The following GAP43 variants were observed in gnomAD, a reference collection of about 807,000 sequenced individuals.
The protein encoded by GAP43 is neuromodulin.
In GAP43, 6 loss-of-function variants were observed where a neutral mutation model predicts 18.6. That is an observed-to-expected ratio of 0.32 (90% confidence interval 0.18 to 0.64). The LOEUF is 0.64. Among genes scored for constraint, GAP43 ranks in the 30% least tolerant of loss-of-function variants. The pLI is 0.78. For synonymous variants in GAP43, 115 were observed against 111.4 expected (o/e 1.03, Z -0.20); for missense variants, 292 against 295.5 (o/e 0.99, Z 0.09).
chr3:115,698,603 G>A (rs2107366163), intron 2 of GAP43, among the ~76,000 whole-genome samples: 1 of 151,754 alleles, frequency 6.6e-6, no homozygotes, highest in South Asian at 2.1e-4. Context: ...GGAAAGTGGA[G>A]TGGAAAAGTG....
chr3:115,719,005 A>G (rs967965655), intron 2 of GAP43, among the ~76,000 whole-genome samples: 1 of 152,174 alleles, frequency 6.6e-6, no homozygotes, highest in Non-Finnish European at 1.5e-5. Flanking sequence ...TAATCTCAAC[A>G]TCTATGTACA....
At chr3:115,634,700 G>T (rs1397689598) in intron 1 of GAP43, among the ~76,000 whole-genome samples, 1 of 152,052 alleles carries the variant, frequency 6.6e-6, no homozygotes, top group East Asian at 1.9e-4. Context: ...AGCCTAGGAG[G>T]TATAGGCTGC....
intron 1 of GAP43, among the ~76,000 whole-genome samples, chr3:115,639,308 G>A (rs714697): frequency 0.48 from 73,057 of 151,992 alleles, 17,731 homozygotes; most frequent in South Asian, 0.66. Flanking sequence ...ATACTTTAGT[G>A]TAGTCAGAAA....
At chr3:115,640,306 G>T (rs1364784380) in intron 1 of GAP43, among the ~76,000 whole-genome samples, 1 of 151,958 alleles carries the variant, frequency 6.6e-6, no homozygotes, top group Non-Finnish European at 1.5e-5. Context: ...AGTAGTTTGG[G>T]TTGCCAAGAA....
At chr3:115,688,307 G>C (rs283376) in intron 2 of GAP43, among the ~76,000 whole-genome samples, 151,016 of 152,262 alleles carry the variant, frequency 0.99, 74,904 homozygotes, top group East Asian at 1. Flanking sequence ...GCATAAGCCA[G>C]TGCCCCTGGC....
intron 1 of GAP43, among the ~76,000 whole-genome samples, chr3:115,645,807 T>C (rs1708451925): frequency 6.6e-6 from 1 of 152,054 alleles, no homozygotes; most frequent in South Asian, 2.1e-4. Flanking sequence ...AAAATATTTC[T>C]TAAGGCTCTT....
At chr3:115,684,813 C>A (rs531902093) in intron 2 of GAP43, among the ~76,000 whole-genome samples, 13 of 152,202 alleles carry the variant, frequency 8.5e-5, no homozygotes, top group Admixed American at 7.2e-4. Flanking sequence ...GGAACATTAT[C>A]CAGGAAGAGT....
At chr3:115,708,187 A>C (rs1709388863) in intron 2 of GAP43, among the ~76,000 whole-genome samples, 1 of 152,380 alleles carries the variant, frequency 6.6e-6, no homozygotes, top group South Asian at 2.1e-4. Context: ...GTCCACAGTC[A>C]ACTGAAGAAG....
At chr3:115,682,900 C>T (rs1404544451) in intron 2 of GAP43, among the ~76,000 whole-genome samples, 2 of 152,146 alleles carry the variant, frequency 1.3e-5, no homozygotes, top group Non-Finnish European at 2.9e-5. Flanking sequence ...TGTGGAGTCA[C>T]ATGACTCATA....
chr3:115,664,087 G>A (rs1708701179), intron 1 of GAP43, among the ~76,000 whole-genome samples: 1 of 151,998 alleles, frequency 6.6e-6, no homozygotes, highest in Non-Finnish European at 1.5e-5. Context: ...TTTGTTCTTA[G>A]AATTGAATTA....
intron 1 of GAP43, among the ~76,000 whole-genome samples, chr3:115,666,280 C>T (rs1489978668): frequency 6.6e-6 from 1 of 152,094 alleles, no homozygotes; most frequent in Non-Finnish European, 1.5e-5. Context: ...TACTATGGCA[C>T]ATTTTACATG....
Position 115,623,545 on chromosome 3 carries a change from A to G in GAP43, c.-145A>G. ...CTAACTGCCCTGGTGTGTGTGAGGG[A>G]GAGAGAGGGAGGGAGGGAGAGAGAG... On this transcript the variant is annotated 5_prime_UTR_variant, in exon 1 of 3. Coordinates refer to ENST00000305124, the MANE Select transcript of GAP43 (RefSeq NM_002045.4). 1.1e-6 allele frequency: 1 copy of G among 935,940 alleles called. No homozygotes were observed. The highest frequency in any genetic ancestry group is 1.7e-6 in the Non-Finnish European group (1 of 597,218). The allele number at this position is 935,940 out of a possible 1,614,324, so 58.0% of individuals were successfully genotyped here.
intron 1 of GAP43, among the ~76,000 whole-genome samples, chr3:115,654,618 G>T (rs950539642): frequency 1.3e-5 from 2 of 152,188 alleles, no homozygotes; most frequent in Non-Finnish European, 2.9e-5. Context: ...CTGGACAAAA[G>T]ATGGCTTTTT....
At chr3:115,650,861 G>A (rs2107475111) in intron 1 of GAP43, among the ~76,000 whole-genome samples, 2 of 152,290 alleles carry the variant, frequency 1.3e-5, no homozygotes, top group Middle Eastern at 3.4e-3. Context: ...AGGCATGGTG[G>A]CTCATGCCTG....
chr3:115,676,280 G>A lies in GAP43; in HGVS notation c.298G>A (p.Glu100Lys), dbSNP rs770219317. 6 of 1,614,174 alleles carry A rather than the reference G, an allele frequency of 3.7e-6. No homozygotes were observed. The highest frequency in any genetic ancestry group is 5.1e-6 in the Non-Finnish European group (6 of 1,180,036). The change falls in exon 2 of 3, where the codon GAG (glutamate) becomes AAG (lysine). Residue 100 changes from glutamate to lysine, a missense_variant. Glu to Lys is a moderately conservative substitution (Grantham distance 56). Coordinates refer to ENST00000305124, the MANE Select transcript of GAP43 (RefSeq NM_002045.4). ...CCCAGCCACTGGCTCCAAGCCTGAT[G>A]AGCCCGGCAAAGCAGGAGAAACTCC... Reference protein sequence around the residue: ...AAPATGSKPDEPGKAGETPSE... With the variant: ...AAPATGSKPDKPGKAGETPSE...
At chr3:115,636,339 A>G (rs747571991) in intron 1 of GAP43, among the ~76,000 whole-genome samples, 1 of 152,092 alleles carries the variant, frequency 6.6e-6, no homozygotes, top group Non-Finnish European at 1.5e-5. Flanking sequence ...AAGTCATACT[A>G]TCAGTTACCA....
intron 1 of GAP43, among the ~76,000 whole-genome samples, chr3:115,673,653 C>T (rs545648298): frequency 6.6e-6 from 1 of 152,294 alleles, no homozygotes; most frequent in Non-Finnish European, 1.5e-5. Flanking sequence ...GTTATGCTTC[C>T]ATCTCTGAGC....
At chr3:115,693,281 A>C (rs1709138730) in intron 2 of GAP43, among the ~76,000 whole-genome samples, 1 of 152,072 alleles carries the variant, frequency 6.6e-6, no homozygotes, top group South Asian at 2.1e-4. Flanking sequence ...GAGTAATTGG[A>C]TTTTTATTGT....
rs1491440580 is a variant in GAP43, at chr3:115,683,122, T to TGTGCGCGC, written c.628+6514_628+6521dup. Among the ~76,000 whole-genome samples, 207 of 45,208 alleles carry TGTGCGCGC rather than the reference T, an allele frequency of 4.6e-3. 2 individuals are homozygous for TGTGCGCGC. The highest frequency in any genetic ancestry group is 8.5e-3 in the African/African-American group (174 of 20,530). 29.7% of individuals were successfully genotyped at this position (45,208 alleles called of 152,430 possible). Reference sequence around the variant, plus strand: ...TATTTTTCTTTTTTCTCTACATACATGTGCGCGCGCGTGCGCGCGCGCGCG... The same window carrying TGTGCGCGC: ...TATTTTTCTTTTTTCTCTACATACATGTGCGCGCGTGCGCGCGCGTGCGCGCGCGCGCG... On this transcript the variant is annotated intron_variant, in intron 2 of 2. Transcript: ENST00000305124.
Sources: gnomAD v4.1 joint callset for allele counts (sites outside exome capture counted in the v4.1 genomes callset) on GRCh38, gnomAD v4.1.1 for gene constraint, MANE v1.5 for transcripts, NCBI Gene and HGNC (gene_info 2026-07-23, HGNC 2026-07-21) for gene names.